The following TENM1 variants were observed in gnomAD, a reference collection of about 807,000 sequenced individuals.
TENM1 encodes the protein teneurin transmembrane protein 1, also known as teneurin-1.
A neutral mutation model predicts 174.8 loss-of-function variants in TENM1; 35 were observed. The ratio of observed to expected loss-of-function variants is 0.20; its 90% confidence interval spans 0.15 to 0.27. TENM1 has a LOEUF of 0.27. Among genes scored for constraint, TENM1 ranks in the 10% least tolerant of loss-of-function variants. TENM1 has a pLI of 1.00. For missense variants in TENM1, 1,633 were observed against 2,130.1 expected (o/e 0.77, Z 4.59); for synonymous variants, 781 against 798.7 (o/e 0.98, Z 0.37).
At chrX:125,138,900 C>G in the TENM1 span, among the ~76,000 whole-genome samples, 1 of 110,836 alleles carries the variant, frequency 9.0e-6, no homozygotes, top group East Asian at 2.8e-4. Flanking sequence ...ATCCCTTTCT[C>G]CAGGGATGAC....
intron 3 of TENM1, among the ~76,000 whole-genome samples, chrX:124,872,828 T>C (rs974843039): frequency 9.0e-6 from 1 of 111,425 alleles, no homozygotes; most frequent in Non-Finnish European, 1.9e-5. Context: ...TCTCCAAACA[T>C]AGTTCTTTCA....
chrX:124,558,940 G>T (rs781328119), intron 14 of TENM1, among the ~76,000 whole-genome samples: 1 of 111,464 alleles, frequency 9.0e-6, no homozygotes, highest in Non-Finnish European at 1.9e-5. Flanking sequence ...GTCAATACAC[G>T]TTCAGTGAAA....
chrX:124,939,518 C>T (rs549815009), intron 1 of TENM1, among the ~76,000 whole-genome samples: 14 of 111,586 alleles, frequency 1.3e-4, no homozygotes, highest in African/African-American at 3.9e-4. Context: ...TTCCCAGGAA[C>T]GTGGCCCTCA....
chrX:124,704,884 T>G, intron 5 of TENM1, 129 bp downstream of exon 8: 1 of 479,921 alleles, frequency 2.1e-6, no homozygotes, highest in Non-Finnish European at 3.6e-6. Flanking sequence ...GAAAATCAAT[T>G]TGTTATCATA....
exon 32 of TENM1, chrX:124,381,172 C>T (rs1220532434): frequency 6.6e-6 from 8 of 1,208,719 alleles, no homozygotes; most frequent in Non-Finnish European, 8.9e-6. Flanking sequence ...CAGCAGCAAA[C>T]CTTGGTTGCT....
intron 6 of TENM1, among the ~76,000 whole-genome samples, chrX:124,654,547 G>A (rs2051390817): frequency 2.7e-5 from 3 of 111,666 alleles, no homozygotes; most frequent in African/African-American, 9.8e-5. Context: ...AAGAGTTATT[G>A]GGAAGAGTGG....
At chrX:124,475,746 T>G (rs1044542581) in intron 22 of TENM1, among the ~76,000 whole-genome samples, 1 of 111,611 alleles carries the variant, frequency 9.0e-6, no homozygotes, top group African/African-American at 3.3e-5. Flanking sequence ...GCCAATCTTA[T>G]ACAGATGAGT....
the TENM1 span, among the ~76,000 whole-genome samples, chrX:125,149,496 A>G: frequency 8.9e-6 from 1 of 112,374 alleles, no homozygotes; most frequent in African/African-American, 3.2e-5. Flanking sequence ...TGCTCAGCAC[A>G]GGGTATAGGA....
chrX:124,811,719 G>A (rs975462966), intron 3 of TENM1, among the ~76,000 whole-genome samples: 1 of 111,594 alleles, frequency 9.0e-6, no homozygotes, highest in Non-Finnish European at 1.9e-5. Flanking sequence ...ACACTCCCAT[G>A]TTCATTGCAG....
chrX:124,871,764 A>G (rs540895383), intron 3 of TENM1, among the ~76,000 whole-genome samples: 2 of 110,960 alleles, frequency 1.8e-5, no homozygotes, highest in African/African-American at 6.6e-5. Context: ...AAAAGGTTAG[A>G]GAGTCAGGCC....
intron 3 of TENM1, among the ~76,000 whole-genome samples, chrX:124,847,986 C>A (rs2056642727): frequency 9.0e-6 from 1 of 111,156 alleles, no homozygotes; most frequent in Non-Finnish European, 1.9e-5. Context: ...AGTTTACAGA[C>A]CTATTTTACT....
At chrX:124,713,674 G>T (rs1225767643) in intron 4 of TENM1, among the ~76,000 whole-genome samples, 1 of 112,155 alleles carries the variant, frequency 8.9e-6, no homozygotes, top group East Asian at 2.8e-4. Flanking sequence ...CATATTCCTT[G>T]AGGACAGGAA....
At chrX:125,124,947 T>C in the TENM1 span, among the ~76,000 whole-genome samples, 1 of 112,152 alleles carries the variant, frequency 8.9e-6, no homozygotes, top group Non-Finnish European at 1.9e-5. Flanking sequence ...AAGATCTAGG[T>C]CAAAATAGCC....
the TENM1 span, among the ~76,000 whole-genome samples, chrX:125,200,654 T>TGTGTGAGAGAGAGAGAGAGAGAGAGA: frequency 1.4e-4 from 13 of 92,422 alleles, no homozygotes; most frequent in African/African-American, 5.5e-4. Context: ...TGTGTGTGTG[T>TGTGTGAGAGAGAGAGAGAGAGAGAGA]GAGAGAGAGA....
chrX:125,050,310 C>T, the TENM1 span, among the ~76,000 whole-genome samples: 4 of 109,667 alleles, frequency 3.6e-5, no homozygotes, highest in African/African-American at 1.0e-4. Flanking sequence ...ATCCCTCCCC[C>T]CTGCCCCCAC....
intron 5 of TENM1, among the ~76,000 whole-genome samples, chrX:124,701,386 G>C (rs1252883186): frequency 1.8e-5 from 2 of 111,490 alleles, no homozygotes; most frequent in Non-Finnish European, 3.8e-5. Context: ...GAAGAAACTT[G>C]ATCAAAACAT....
At chrX:124,981,087 T>C in the TENM1 span, among the ~76,000 whole-genome samples, 1 of 111,734 alleles carries the variant, frequency 8.9e-6, no homozygotes, top group Non-Finnish European at 1.9e-5. Context: ...TTTTCCAATA[T>C]TGAACTTTCA....
At chrX:124,789,303 G>A (rs1483316653) in intron 3 of TENM1, among the ~76,000 whole-genome samples, 3 of 110,507 alleles carry the variant, frequency 2.7e-5, no homozygotes, top group African/African-American at 9.9e-5. Flanking sequence ...TGATGGGAGG[G>A]GCTGCTGTGA....
At chrX:124,840,906 G>C (rs2056484960) in intron 3 of TENM1, among the ~76,000 whole-genome samples, 1 of 111,745 alleles carries the variant, frequency 8.9e-6, no homozygotes, top group South Asian at 3.7e-4. Flanking sequence ...TTACAGCAAA[G>C]TTAATATGCC....
Sources: gnomAD v4.1 joint callset for allele counts (sites outside exome capture counted in the v4.1 genomes callset) on GRCh38, gnomAD v4.1.1 for gene constraint, MANE v1.5 for transcripts, NCBI Gene and HGNC (gene_info 2026-07-23, HGNC 2026-07-21) for gene names.